Variants in GADL1 observed in about 807,000 individuals in gnomAD.
GADL1 encodes GAD like acidic amino acid decarboxylase 1, also known as acidic amino acid decarboxylase GADL1.
In GADL1, 71 loss-of-function variants were observed where a neutral mutation model predicts 69.5. That is an observed-to-expected ratio of 1.02 (90% CI 0.84 to 1.25). GADL1 has a LOEUF of 1.25. GADL1 is among the 50% of genes most tolerant of loss of function. GADL1 has a pLI of 0.00. For synonymous variants in GADL1, 254 were observed against 214.4 expected, an observed-to-expected ratio of 1.18 and a Z score of -1.62; for missense variants, 737 against 631.8, an observed-to-expected ratio of 1.17 and a Z score of -1.79.
At chr3:30,843,994 A>G (rs1698012050) in intron 8 of GADL1, among the ~76,000 whole-genome samples, 2 of 152,238 alleles carry the variant, frequency 1.3e-5, no homozygotes, top group Non-Finnish European at 2.9e-5. Context: ...ATATCCGGGA[A>G]ACTCCACAGA....
At chr3:30,756,058 G>A (rs1444668377) in intron 14 of GADL1, among the ~76,000 whole-genome samples, 1 of 152,172 alleles carries the variant, frequency 6.6e-6, no homozygotes, top group Admixed American at 6.5e-5. Flanking sequence ...ACCTAGGGCT[G>A]TGCAGGAGGA....
chr3:30,756,059 T>C (rs894581257), intron 14 of GADL1, among the ~76,000 whole-genome samples: 5 of 152,134 alleles, frequency 3.3e-5, no homozygotes, highest in Non-Finnish European at 5.9e-5. Context: ...CCTAGGGCTG[T>C]GCAGGAGGAG....
rs775162663 is a variant in GADL1, at chr3:30,844,456, G to C, written c.662C>G (p.Ser221Cys). Residue 221 changes from serine (S) to cysteine (C), a missense_variant, in exon 7 of 15, where the codon TCT becomes TGT. Physicochemically the swap from Ser to Cys is moderately radical, Grantham distance 112. Transcript: ENST00000282538. ...ILFTSAECHY[S>C]MKKAASFLGI... ...AAGAAAAGAGGCTGCCTTCTTCATA[G>C]AGTAATGACACTGAATTCAAAGGGA... 18 of 1,608,900 alleles carry C rather than the reference G, an allele frequency of 1.1e-5. No individual in the cohort carries two copies. In the East Asian group the frequency reaches 3.8e-4, roughly 34 times the overall value.
In GADL1 at chr3:30,766,291, C is replaced by T. The variant is rs189118217; in HGVS notation, c.1392+11888G>A. On this transcript the variant is annotated intron_variant, in intron 14 of 14. Transcript: ENST00000282538. ...GAGGTAGGAATGCTAAATTCACTCT[C>T]ATTAACCCTGAGCATCAGGGATGTC... 1.2e-4 allele frequency among the ~76,000 whole-genome samples: 19 copies of T among 152,274 alleles called. No individual in the cohort carries two copies. In the East Asian group the frequency reaches 3.7e-3, roughly 29 times the overall value.
chr3:30,846,425 A>AT (rs1286359189), intron 6 of GADL1, among the ~76,000 whole-genome samples: 1 of 152,066 alleles, frequency 6.6e-6, no homozygotes, highest in Non-Finnish European at 1.5e-5. Flanking sequence ...TCCCACAAGG[A>AT]TTTTTTTCTA....
At chr3:30,854,578 C>A in intron 4 of GADL1, 121 bp downstream of exon 4, 1 of 600,082 alleles carries the variant, frequency 1.7e-6, no homozygotes, top group Non-Finnish European at 3.0e-6. Flanking sequence ...AAAACTATTC[C>A]ATTATTTGCG....
Position 30,785,851 on chromosome 3 carries a change from GAAA to G in GADL1, c.1302+501_1302+503del, listed in dbSNP as rs1203852091. 5.9e-5 allele frequency among the ~76,000 whole-genome samples: 9 copies of G among 152,118 alleles called. No homozygotes were observed. The East Asian group carries it at 7.7e-4, about 13-fold the overall frequency. On this transcript the variant is annotated intron_variant, in intron 13 of 14. Transcript: ENST00000282538. ...ATTTATATTTTCTAAACATGTTTTAGAAAAAAATATTCTCTACATTTGTAACCA... is the reference window on the plus strand; with the variant it reads ...ATTTATATTTTCTAAACATGTTTTAGAAAATATTCTCTACATTTGTAACCA...
At chr3:30,748,030 C>G (rs1461209725) in intron 14 of GADL1, among the ~76,000 whole-genome samples, 1 of 152,172 alleles carries the variant, frequency 6.6e-6, no homozygotes, top group Non-Finnish European at 1.5e-5. Context: ...CAAAAAAATT[C>G]AACAGCATGC....
intron 14 of GADL1, among the ~76,000 whole-genome samples, chr3:30,753,299 C>A (rs1695878571): frequency 6.6e-6 from 1 of 151,670 alleles, no homozygotes; most frequent in Non-Finnish European, 1.5e-5. Context: ...ACATTTATTC[C>A]TTTGATTCAG....
In GADL1 at chr3:30,837,458, T is replaced by C. The variant is rs115201123; in HGVS notation, c.903+1539A>G. Among the ~76,000 whole-genome samples, 146 of 152,204 alleles carry C rather than the reference T, an allele frequency of 9.6e-4. 3 individuals are homozygous for C. The highest frequency in any genetic ancestry group is 1.6e-3 in the Non-Finnish European group (110 of 67,974). The stretch of plus-strand genomic sequence containing the variant: ...ATAGGATAATTTGGTGTGGTTTACA[T>C]TCCCTTATAAAGATGTTTTCTTCAA... On this transcript the variant is annotated intron_variant, in intron 9 of 14. Transcript: ENST00000282538.
chr3:30,804,003 C>T (rs1247824773), intron 11 of GADL1, among the ~76,000 whole-genome samples: 1 of 152,092 alleles, frequency 6.6e-6, no homozygotes. Flanking sequence ...GACAAGTATC[C>T]AATGAAAAGA....
intron 14 of GADL1, among the ~76,000 whole-genome samples, chr3:30,757,475 T>C (rs1301943428): frequency 3.9e-5 from 6 of 152,242 alleles, no homozygotes; most frequent in African/African-American, 1.2e-4. Context: ...TTAGTCTCTT[T>C]ATGAGCAGGT....
chr3:30,875,165 C>G (rs1289185772), intron 1 of GADL1, among the ~76,000 whole-genome samples: 1 of 149,612 alleles, frequency 6.7e-6, no homozygotes, highest in Non-Finnish European at 1.5e-5. Context: ...CTTCTGCTGT[C>G]TAGTGGTCAA....
In GADL1 at chr3:30,880,742, C is replaced by A. The variant is rs371358593; in HGVS notation, c.37+13836G>T. Among the ~76,000 whole-genome samples the A allele has an allele frequency of 2.0e-5, 3 of 151,956 alleles. No homozygotes were observed. The South Asian group carries it at 6.2e-4, about 31-fold the overall frequency. On this transcript the variant is annotated intron_variant, in intron 1 of 14. Transcript: ENST00000282538. ...TGGTATCCACAGGAGGTCCTGGAAC[C>A]AATTCCCTGCAGATTCTGAGGGATG... is the stretch of plus-strand genomic sequence containing the variant.
chr3:30,873,509 A>T (rs1698524565), intron 1 of GADL1, among the ~76,000 whole-genome samples: 1 of 151,934 alleles, frequency 6.6e-6, no homozygotes, highest in Admixed American at 6.6e-5. Context: ...AAGGAAGAAC[A>T]TATTGCTTTC....
intron 14 of GADL1, among the ~76,000 whole-genome samples, chr3:30,755,214 C>T (rs1695939285): frequency 6.6e-6 from 1 of 152,028 alleles, no homozygotes; most frequent in South Asian, 2.1e-4. Flanking sequence ...TTATATTTGT[C>T]TTGCATGCAA....
chr3:30,756,723 G>A (rs1041918815), intron 14 of GADL1, among the ~76,000 whole-genome samples: 6 of 152,150 alleles, frequency 3.9e-5, no homozygotes, highest in Non-Finnish European at 7.3e-5. Context: ...AGTTGTCCCA[G>A]ATGAGGCCAT....
At chr3:30,885,681 T>C (rs1354945194) in intron 1 of GADL1, among the ~76,000 whole-genome samples, 1 of 152,078 alleles carries the variant, frequency 6.6e-6, no homozygotes, top group East Asian at 1.9e-4. Context: ...CAGACTTCTA[T>C]ATAAACTATC....
intron 14 of GADL1, among the ~76,000 whole-genome samples, chr3:30,765,222 G>A (rs1004817836): frequency 5.3e-5 from 8 of 152,056 alleles, no homozygotes; most frequent in African/African-American, 1.9e-4. Context: ...TTCCCCACAT[G>A]GATCACCACT....
Sources: allele counts gnomAD v4.1 joint callset (sites outside exome capture counted in the v4.1 genomes callset), GRCh38; gene constraint gnomAD v4.1.1; transcripts MANE v1.5; gene names NCBI Gene and HGNC (gene_info 2026-07-23, HGNC 2026-07-21).